The following RICTOR variants were observed in gnomAD, a reference collection of about 807,000 sequenced individuals.
RICTOR encodes rapamycin-insensitive companion of mTOR.
RICTOR carries 49 observed loss-of-function variants against 214.9 expected under a neutral mutation model. The observed-to-expected ratio is 0.23, with a 90% CI of 0.18 to 0.29. RICTOR has a LOEUF of 0.29. RICTOR is among the 10% of genes least tolerant of loss of function. The probability of loss-of-function intolerance (pLI) is 1.00; values close to 1 mark genes in which losing one functional copy is unlikely to be tolerated. For missense variants in RICTOR, 1,625 were observed against 2,047.0 expected (o/e 0.79, Z 3.98); for synonymous variants, 717 against 711.3 (o/e 1.01, Z -0.13).
chr5:38,995,468 A>G (rs1284683649), intron 6 of RICTOR, among the ~76,000 whole-genome samples: 1 of 152,120 alleles, frequency 6.6e-6, no homozygotes, highest in Non-Finnish European at 1.5e-5. Context: ...GGTACAGTGT[A>G]CACTGCTTGG....
At position 39,042,455 on chromosome 5, in the gene RICTOR, C is replaced by T. The variant is rs115461332; in HGVS notation, c.98-21319G>A. Among the ~76,000 whole-genome samples, 1,522 of 152,266 alleles carry T rather than the reference C, an allele frequency of 1.0e-2. 29 individuals carry two copies. The highest frequency in any genetic ancestry group is 0.035 in the African/African-American group (1,443 of 41,542). ...CATGTTAATAAATGAGGCTTAGAGA[C>T]ATAGTTCACTTGCCTAAAAGTCACA... On this transcript the variant is annotated intron_variant, in intron 2 of 37. Coordinates refer to ENST00000357387, the MANE Select transcript of RICTOR (RefSeq NM_152756.5).
rs150986365 is a variant in RICTOR at position 38,947,288 on chromosome 5, C to T, written c.4290G>A (p.Pro1430=). The T allele has an allele frequency of 3.1e-5, 50 of 1,611,396 alleles. No individual in the cohort carries two copies. Among genetic ancestry groups the T allele is most frequent in the African/African-American group, 2.0e-4 (15 of 74,782 alleles). Residue 1430 remains proline, a synonymous_variant, in exon 32 of 38, where the codon CCG becomes CCA. Coordinates refer to ENST00000357387, the MANE Select transcript of RICTOR (RefSeq NM_152756.5). ...CCTGGAATATATCATTTATATCCAC[C>T]GGGAGAGCAAGACCAATGTAATCAT... The part of the protein sequence containing the change: ...GSDDYIGLAL[P]VDINDIFQVK...
intron 2 of RICTOR, among the ~76,000 whole-genome samples, chr5:39,054,777 G>C (rs1195909242): frequency 6.6e-6 from 1 of 152,132 alleles, no homozygotes; most frequent in Non-Finnish European, 1.5e-5. Flanking sequence ...ATTAAATACA[G>C]CATTTCCACC....
intron 30 of RICTOR, among the ~76,000 whole-genome samples, 191 bp from the exon 31 acceptor site, chr5:38,950,911 T>A (rs1459662321): frequency 1.3e-5 from 2 of 152,064 alleles, no homozygotes; most frequent in East Asian, 3.9e-4. Flanking sequence ...GAATAAAATG[T>A]AAAATTATGT....
intron 2 of RICTOR, among the ~76,000 whole-genome samples, chr5:39,025,146 T>G (rs1381092736): frequency 6.6e-6 from 1 of 152,170 alleles, no homozygotes; most frequent in Non-Finnish European, 1.5e-5. Flanking sequence ...TCCCTCCTTC[T>G]CCTCCTCAAA....
At chr5:39,012,821 T>C (rs1044817718) in intron 3 of RICTOR, among the ~76,000 whole-genome samples, 1 of 152,186 alleles carries the variant, frequency 6.6e-6, no homozygotes, top group Non-Finnish European at 1.5e-5. Context: ...GCACTCCCCA[T>C]GCCATCCATG....
At chr5:39,000,344 CCAGA>C (rs1753519825) in intron 5 of RICTOR, among the ~76,000 whole-genome samples, 1 of 151,760 alleles carries the variant, frequency 6.6e-6, no homozygotes, top group Non-Finnish European at 1.5e-5. Context: ...AATACTAAAA[CCAGA>C]CAAAGACTTT....
intron 6 of RICTOR, among the ~76,000 whole-genome samples, chr5:38,991,331 G>A (rs1054864432): frequency 1.3e-5 from 2 of 152,022 alleles, no homozygotes; most frequent in Admixed American, 6.6e-5. Flanking sequence ...CTGACCAAAT[G>A]TTTCTGAGAT....
At position 38,953,122 on chromosome 5, in the gene RICTOR, A is replaced by G. The variant is rs369012223; in HGVS notation, c.2791-31T>C. 42 of 1,391,836 alleles carry G rather than the reference A, an allele frequency of 3.0e-5. No homozygotes were observed. The East Asian group carries it at 4.4e-4, about 14-fold the overall frequency. 86.2% of individuals were successfully genotyped at this position (1,391,836 alleles called of 1,614,324 possible). ...AGAAAAGAAATCACTTACATCAAAT[A>G]TAAGAGTCACTCTTTCAAAAGATTT... On this transcript the variant is annotated intron_variant, in intron 28 of 37. Transcript: ENST00000357387.
At chr5:38,962,709 A>T (rs902464793) in intron 17 of RICTOR, 123 bp from the exon 18 acceptor site, 2 of 805,988 alleles carry the variant, frequency 2.5e-6, no homozygotes, top group South Asian at 4.0e-5. Flanking sequence ...AGGTTTTTTA[A>T]CTTTAAAGTT....
chr5:38,957,697 C>A lies in RICTOR; in HGVS notation c.2454G>T (p.Leu818=), dbSNP rs768367264. The A allele has an allele frequency of 6.3e-7, 1 of 1,592,962 alleles. No individual in the cohort carries two copies. Among genetic ancestry groups the A allele is most frequent in the Non-Finnish European group, 8.6e-7 (1 of 1,166,310 alleles). The change falls in exon 25 of 38, where the codon CTG becomes CTT. Residue 818 remains leucine (L), a synonymous_variant. Coordinates refer to ENST00000357387, the MANE Select transcript of RICTOR (RefSeq NM_152756.5). ...GTTTTGCTACATAACCTCTTTCATT[C>A]AGATAGGAAAATCCTTTTGGAATGG... ...FLSIPKGFSY[L]NERGYVAKQL... is the part of the protein sequence containing the mutation.
intron 26 of RICTOR, 172 bp from the exon 27 acceptor site, chr5:38,955,033 C>T (rs757350422): frequency 1.6e-5 from 7 of 445,674 alleles, no homozygotes; most frequent in Non-Finnish European, 2.8e-5. Flanking sequence ...ATAGGCTGGG[C>T]TTCCCTAATC....
At chr5:38,991,927 A>G (rs1030554729) in intron 6 of RICTOR, among the ~76,000 whole-genome samples, 5 of 152,166 alleles carry the variant, frequency 3.3e-5, no homozygotes, top group African/African-American at 9.6e-5. Flanking sequence ...AAAATATTAG[A>G]GAAAATTAAT....
rs748979212 is a variant in RICTOR, at chr5:38,964,864, C to T, written c.1328G>A (p.Ser443Asn). Residue 443 changes from serine (S) to asparagine (N), a missense_variant, in exon 16 of 38, where the codon AGC becomes AAC. Coordinates refer to ENST00000357387, the MANE Select transcript of RICTOR (RefSeq NM_152756.5). The part of the protein sequence containing the change: ...MANTILPHSH[S>N]HHLHCLPTLM... ...GGTTGGCAAGCAGTGTAAATGATGG[C>T]TATGTGAATGAGGAAGAATTGTGTT... is the stretch of plus-strand genomic sequence containing the variant. 5.6e-6 allele frequency: 9 copies of T among 1,606,444 alleles called. No individual in the cohort carries two copies. In the South Asian group the frequency reaches 8.8e-5, roughly 16 times the overall value.
rs1188072177 is a variant in RICTOR at position 38,942,081 on chromosome 5, A to T, written c.*223T>A. ...TAACTGAAACTCTTAAAACTGTGGT[A>T]ATGAATCATGAACCCCTCAAAAGGC... On this transcript the variant is annotated 3_prime_UTR_variant, in exon 38 of 38. Transcript: ENST00000357387. 2 of 381,714 alleles carry T rather than the reference A, an allele frequency of 5.2e-6. No homozygotes were observed. The highest frequency in any genetic ancestry group is 4.1e-5 in the African/African-American group (2 of 48,598). 23.6% of individuals were successfully genotyped at this position (381,714 alleles called of 1,614,324 possible).
At chr5:38,993,577 T>G (rs576241881) in intron 6 of RICTOR, among the ~76,000 whole-genome samples, 1 of 152,240 alleles carries the variant, frequency 6.6e-6, no homozygotes, top group African/African-American at 2.4e-5. Context: ...TAATTATTCA[T>G]AGTGTAAGTT....
At chr5:38,953,171 T>A in intron 28 of RICTOR, 80 bp from the exon 29 acceptor site, 1 of 952,568 alleles carries the variant, frequency 1.0e-6, no homozygotes, top group Non-Finnish European at 1.6e-6. Flanking sequence ...GAAACAAATT[T>A]AACCTCATCT....
chr5:39,010,142 C>T (rs1177738181), intron 3 of RICTOR, among the ~76,000 whole-genome samples: 1 of 152,140 alleles, frequency 6.6e-6, no homozygotes, highest in African/African-American at 2.4e-5. Flanking sequence ...ATGACCATAT[C>T]ACCCTGAACA....
Position 38,952,332 on chromosome 5 carries a change from G to A in RICTOR, c.2991C>T (p.Arg997=). Residue 997 remains arginine (R), a synonymous_variant, in exon 30 of 38, where the codon CGC becomes CGT. Coordinates refer to ENST00000357387, the MANE Select transcript of RICTOR (RefSeq NM_152756.5). ...CHNWDAVRHS[R]KHLWPVVPDD... ...CTGGAACCACTGGCCACAGATGTTT[G>A]CGACTATGCCTCACAGCATCCCAGT... 6.2e-7 allele frequency: 1 copy of A among 1,612,970 alleles called. No homozygotes were observed. The highest frequency in any genetic ancestry group is 8.5e-7 in the Non-Finnish European group (1 of 1,179,234).
Sources: gnomAD v4.1 joint callset for allele counts (sites outside exome capture counted in the v4.1 genomes callset) on GRCh38, gnomAD v4.1.1 for gene constraint, MANE v1.5 for transcripts, NCBI Gene and HGNC (gene_info 2026-07-23, HGNC 2026-07-21) for gene names.